DOCK7: variants seen among roughly 807,000 people sequenced by gnomAD.
The protein encoded by DOCK7 is dedicator of cytokinesis 7.
A neutral mutation model predicts 271.0 loss-of-function variants in DOCK7; 138 were observed. The ratio of observed to expected loss-of-function variants is 0.51; its 90% CI spans 0.44 to 0.59. DOCK7 has a LOEUF of 0.59. Ranked by LOEUF, DOCK7 falls within the 20% of genes least tolerant of loss-of-function variation. The pLI is 0.00. For synonymous variants in DOCK7, 823 were observed against 876.1 expected (o/e 0.94, Z 1.07); for missense variants, 2,066 against 2,592.4 (o/e 0.80, Z 4.41).
chr1:62,667,608 G>A (rs1366557418), intron 1 of DOCK7, among the ~76,000 whole-genome samples: 2 of 152,174 alleles, frequency 1.3e-5, no homozygotes, highest in Non-Finnish European at 2.9e-5. Flanking sequence ...CCAGCCACTT[G>A]GGAGGCTGAG....
chr1:62,496,520 T>C (rs1646626612), intron 37 of DOCK7, 23 bp from the exon 38 acceptor site: 2 of 1,600,504 alleles, frequency 1.2e-6, no homozygotes, highest in East Asian at 2.2e-5. Context: ...AATTGTCCAG[T>C]CAATACTTAA....
At chr1:62,583,306 T>G in intron 15 of DOCK7, 52 bp from the exon 16 acceptor site, 4 of 1,467,784 alleles carry the variant, frequency 2.7e-6, no homozygotes, top group Non-Finnish European at 3.8e-6. Flanking sequence ...TGCTGGATGT[T>G]TCATAACTAT....
chr1:62,533,170 G>A (rs1645232068), intron 29 of DOCK7, among the ~76,000 whole-genome samples: 1 of 151,780 alleles, frequency 6.6e-6, no homozygotes, highest in Non-Finnish European at 1.5e-5. Flanking sequence ...TAAACTTTCT[G>A]CTCCTTAAAA....
At chr1:62,640,051 G>A (rs574339832) in intron 7 of DOCK7, among the ~76,000 whole-genome samples, 53 of 152,104 alleles carry the variant, frequency 3.5e-4, no homozygotes, top group African/African-American at 1.3e-3. Context: ...CTATTATGCT[G>A]CAAAACAGGT....
intron 20 of DOCK7, 36 bp downstream of exon 20, chr1:62,558,953 A>C (rs1646232255): frequency 2.6e-6 from 4 of 1,515,056 alleles, no homozygotes; most frequent in Non-Finnish European, 3.6e-6. Flanking sequence ...TCAAGTTATA[A>C]ATTTCACGTC....
intron 37 of DOCK7, among the ~76,000 whole-genome samples, chr1:62,498,472 T>C (rs1646685583): frequency 6.6e-6 from 1 of 152,194 alleles, no homozygotes; most frequent in East Asian, 1.9e-4. Context: ...TCGCATTATA[T>C]TAACAACACC....
intron 19 of DOCK7, 45 bp from the exon 20 acceptor site, chr1:62,559,265 TA>T: frequency 6.7e-7 from 1 of 1,490,430 alleles, no homozygotes. Context: ...TATAACTTTA[TA>T]AATTTCCCAC....
chr1:62,662,042 ATATCAT>A lies in DOCK7; in HGVS notation c.144+977_144+982del, dbSNP rs373625970. 3.9e-3 allele frequency among the ~76,000 whole-genome samples: 593 copies of A among 152,316 alleles called. 7 individuals are homozygous for A. Among genetic ancestry groups the A allele is most frequent in the African/African-American group, 0.013 (540 of 41,562 alleles). On this transcript the variant is annotated intron_variant, in intron 2 of 49. Transcript: ENST00000635253. ...TTCAAATTTTAGTAACACAAACATT[ATATCAT>A]TATAAGTCGATCAAACTGTTATTTC...
At chr1:62,640,513 C>G (rs1655885294) in intron 7 of DOCK7, among the ~76,000 whole-genome samples, 1 of 150,418 alleles carries the variant, frequency 6.6e-6, no homozygotes, top group African/African-American at 2.5e-5. Flanking sequence ...AAAGCAAGAC[C>G]CCGTCTCAAA....
At chr1:62,491,688 T>C (rs1029832961) in intron 41 of DOCK7, among the ~76,000 whole-genome samples, 1 of 152,230 alleles carries the variant, frequency 6.6e-6, no homozygotes, top group African/African-American at 2.4e-5. Flanking sequence ...ACCAGGGCAA[T>C]GCCCATCATA....
At chr1:62,604,606 A>G in intron 14 of DOCK7, 1 of 1,607,852 alleles carries the variant, frequency 6.2e-7, no homozygotes, top group Non-Finnish European at 8.5e-7. Flanking sequence ...GTCTGTACCC[A>G]TTAAATTGCA....
At chr1:62,511,268 A>G (rs1242608066) in intron 33 of DOCK7, 1 of 152,194 alleles carries the variant, frequency 6.6e-6, no homozygotes. Context: ...CAAGCATGTT[A>G]TGTCTAGGCT....
chr1:62,533,575 C>T (rs940987700), intron 29 of DOCK7, among the ~76,000 whole-genome samples: 6 of 152,152 alleles, frequency 3.9e-5, no homozygotes, highest in Admixed American at 3.9e-4. Flanking sequence ...ACACTGCCCA[C>T]CCCAATCTAC....
At position 62,631,340 on chromosome 1, in the gene DOCK7, A is replaced by G. The variant is rs768933704; in HGVS notation, c.1182T>C (p.Tyr394=). ...TTGCAGTCCAAGCAAAAGGCATGCG[A>G]TATTTCCCAAGTCTTTGGCAAAACT... ...ADQFCQRLGK[Y]RMPFAWTAIH... is the part of the protein sequence containing the mutation. The change falls in exon 11 of 50, where the codon TAT becomes TAC. Residue 394 remains tyrosine (Y), a synonymous_variant. Coordinates refer to ENST00000635253, the MANE Select transcript of DOCK7 (RefSeq NM_001367561.1). 9 of 1,613,512 alleles carry G rather than the reference A, an allele frequency of 5.6e-6. No individual in the cohort carries two copies. The highest frequency in any genetic ancestry group is 2.2e-5 in the South Asian group (2 of 90,904).
At chr1:62,649,203 T>G (rs2149681611) in intron 4 of DOCK7, among the ~76,000 whole-genome samples, 1 of 152,272 alleles carries the variant, frequency 6.6e-6, no homozygotes, top group South Asian at 2.1e-4. Context: ...AAAAAGCAAT[T>G]ATTGTTCGTG....
chr1:62,647,594 C>A, intron 7 of DOCK7, 97 bp downstream of exon 7: 1 of 808,068 alleles, frequency 1.2e-6, no homozygotes, highest in South Asian at 1.7e-5. Context: ...CAAAAGGACA[C>A]AAATGCAACT....
At chr1:62,590,393 T>G (rs1648261088) in intron 14 of DOCK7, among the ~76,000 whole-genome samples, 1 of 152,176 alleles carries the variant, frequency 6.6e-6, no homozygotes, top group Non-Finnish European at 1.5e-5. Flanking sequence ...AACAAGAATG[T>G]AAGATTCCTG....
chr1:62,677,877 T>A (rs1283902114), intron 1 of DOCK7, among the ~76,000 whole-genome samples: 3 of 152,134 alleles, frequency 2.0e-5, no homozygotes, highest in Non-Finnish European at 4.4e-5. Context: ...ATGCCTGTAA[T>A]CCCAGCATTT....
intron 14 of DOCK7, among the ~76,000 whole-genome samples, chr1:62,611,335 C>T (rs955474383): frequency 1.3e-5 from 2 of 152,078 alleles, no homozygotes; most frequent in African/African-American, 2.4e-5. Flanking sequence ...ATGCTTAAGA[C>T]CAGAAGTCTT....
Sources: allele counts gnomAD v4.1 joint callset (sites outside exome capture counted in the v4.1 genomes callset), GRCh38; gene constraint gnomAD v4.1.1; transcripts MANE v1.5; gene names NCBI Gene and HGNC (gene_info 2026-07-23, HGNC 2026-07-21).